Variants in NELL1 observed in about 807,000 individuals in gnomAD.
The protein encoded by NELL1 is protein kinase C-binding protein NELL1.
NELL1 carries 76 observed loss-of-function variants against 107.4 expected under a neutral mutation model. The ratio of observed to expected loss-of-function variants is 0.71; its 90% CI spans 0.59 to 0.86. NELL1 has a LOEUF of 0.86. Ranked by LOEUF, NELL1 falls within the 40% of genes least tolerant of loss-of-function variation. NELL1 has a pLI of 0.00. For synonymous variants in NELL1, 353 were observed against 341.2 expected, an observed-to-expected ratio of 1.03 and a Z score of -0.38; for missense variants, 1,024 against 1,005.5, an observed-to-expected ratio of 1.02 and a Z score of -0.25.
Position 20,746,376 on chromosome 11 carries a change from C to T in NELL1, c.185-37304C>T, listed in dbSNP as rs12576684. Among the ~76,000 whole-genome samples, 266 of 152,248 alleles carry T rather than the reference C, an allele frequency of 1.7e-3. 4 individuals are homozygous for T. In the East Asian group the frequency reaches 0.044, roughly 25 times the overall value. On this transcript the variant is annotated intron_variant, in intron 2 of 19. Transcript: ENST00000357134. Reference sequence around the variant, plus strand: ...GACAGATTTGGGTTCAAATCCTTCTCCCCACTTACTAGGTCAGTAATCTTA... The same window carrying T: ...GACAGATTTGGGTTCAAATCCTTCTTCCCACTTACTAGGTCAGTAATCTTA...
At chr11:20,986,523 C>T (rs61880765) in intron 12 of NELL1, among the ~76,000 whole-genome samples, 6,897 of 152,270 alleles carry the variant, frequency 0.045, 177 homozygotes, top group East Asian at 0.079. Context: ...TGGTGGTTCA[C>T]AAATTTCCAT....
chr11:21,165,228 T>C lies in NELL1; in HGVS notation c.1426+51514T>C, dbSNP rs561923032. Among the ~76,000 whole-genome samples, 27 of 152,332 alleles carry C rather than the reference T, an allele frequency of 1.8e-4. No individual in the cohort carries two copies. In the South Asian group the frequency reaches 5.4e-3, roughly 30 times the overall value. On this transcript the variant is annotated intron_variant, in intron 13 of 19. Coordinates refer to ENST00000357134, the MANE Select transcript of NELL1 (RefSeq NM_006157.5). Reference sequence around the variant, plus strand: ...TGTCCTATGGTTTTCTGTTCTTCCTTAGAAACTGCTGAGGTCTATGGCCTG... The same window carrying C: ...TGTCCTATGGTTTTCTGTTCTTCCTCAGAAACTGCTGAGGTCTATGGCCTG...
chr11:20,712,411 G>T (rs1395102241), intron 2 of NELL1, among the ~76,000 whole-genome samples: 3 of 151,690 alleles, frequency 2.0e-5, no homozygotes, highest in Non-Finnish European at 4.4e-5. Context: ...GCATCTCCTT[G>T]AGTAGCTTAA....
intron 2 of NELL1, among the ~76,000 whole-genome samples, chr11:20,776,075 C>A (rs372348551): frequency 4.6e-5 from 7 of 152,164 alleles, no homozygotes; most frequent in African/African-American, 1.4e-4. Flanking sequence ...AGGTACCAGG[C>A]ACTGTGCTTG....
rs1337379166 is a variant in NELL1 at position 20,927,364 on chromosome 11, T to C, written c.816T>C (p.Thr272=). 13 of 1,613,244 alleles carry C rather than the reference T, an allele frequency of 8.1e-6. No individual in the cohort carries two copies. The African/African-American group carries it at 1.2e-4, about 15-fold the overall frequency. The change falls in exon 8 of 20, where the codon ACT becomes ACC. Residue 272 remains threonine, a synonymous_variant. Transcript: ENST00000357134. ...SQLENCHCEK[T]CQVSGLLYRD... is the part of the protein sequence containing the mutation. ...TGGAAAACTGTCATTGTGAGAAGAC[T>C]TGTCAAGTGAGTGGACTGCTCTATC... is the stretch of plus-strand genomic sequence containing the variant.
At chr11:21,122,331 A>G (rs984830549) in intron 13 of NELL1, among the ~76,000 whole-genome samples, 4 of 152,198 alleles carry the variant, frequency 2.6e-5, no homozygotes, top group African/African-American at 7.2e-5. Flanking sequence ...AGCGCTTACA[A>G]AATTGTTGAG....
intron 2 of NELL1, among the ~76,000 whole-genome samples, chr11:20,745,433 A>T (rs573630551): frequency 6.6e-6 from 1 of 152,344 alleles, no homozygotes; most frequent in African/African-American, 2.4e-5. Context: ...TCAACTGAAG[A>T]TAGCACTGAC....
rs139769220 is a variant in NELL1, at chr11:20,959,305, C to T, written c.1172-1127C>T. 6.3e-3 allele frequency among the ~76,000 whole-genome samples: 957 copies of T among 152,252 alleles called. 10 individuals are homozygous for T. The highest frequency in any genetic ancestry group is 0.022 in the African/African-American group (918 of 41,542). ...GTAGAACTAAAAGTAGAATTTGATC[C>T]AGCATTCCCACTACTGGGTATCTAC... On this transcript the variant is annotated intron_variant, in intron 11 of 19. Transcript: ENST00000357134.
At chr11:20,918,038 A>G (rs957607524) in intron 5 of NELL1, 144 bp from the exon 6 acceptor site, 2 of 632,152 alleles carry the variant, frequency 3.2e-6, no homozygotes, top group Non-Finnish European at 5.8e-6. Context: ...AGAGTAGTTC[A>G]GTATATACTA....
chr11:20,999,432 A>C (rs1852165648), intron 12 of NELL1, among the ~76,000 whole-genome samples: 1 of 152,140 alleles, frequency 6.6e-6, no homozygotes, highest in African/African-American at 2.4e-5. Context: ...GGTGACAACC[A>C]CCTGTTGTTC....
intron 15 of NELL1, among the ~76,000 whole-genome samples, chr11:21,393,409 A>G (rs1473348268): frequency 6.6e-6 from 1 of 151,758 alleles, no homozygotes; most frequent in African/African-American, 2.4e-5. Flanking sequence ...ACTTTGTTCA[A>G]TGAAAAAAGT....
chr11:21,426,883 A>G (rs1852835507), intron 15 of NELL1, among the ~76,000 whole-genome samples: 1 of 152,154 alleles, frequency 6.6e-6, no homozygotes, highest in Non-Finnish European at 1.5e-5. Flanking sequence ...GTCCATCTGG[A>G]GCACTGGCAT....
intron 14 of NELL1, among the ~76,000 whole-genome samples, 199 bp downstream of exon 14, chr11:21,229,653 G>A (rs1037321676): frequency 6.6e-6 from 1 of 152,218 alleles, no homozygotes; most frequent in Non-Finnish European, 1.5e-5. Flanking sequence ...AAAGAAAAAG[G>A]TATAGGTATG....
intron 15 of NELL1, among the ~76,000 whole-genome samples, chr11:21,416,292 C>G (rs773329021): frequency 1.3e-5 from 2 of 152,172 alleles, no homozygotes; most frequent in Middle Eastern, 6.8e-3. Flanking sequence ...AAATTAAATA[C>G]TACCTTGGAT....
intron 15 of NELL1, among the ~76,000 whole-genome samples, chr11:21,470,837 C>T (rs77178910): frequency 0.059 from 8,934 of 152,156 alleles, 562 homozygotes; most frequent in East Asian, 0.16. Flanking sequence ...CATTTACTGC[C>T]ATGTCCTCTG....
intron 14 of NELL1, among the ~76,000 whole-genome samples, chr11:21,266,086 C>T (rs1198918706): frequency 6.6e-6 from 1 of 152,024 alleles, no homozygotes; most frequent in Non-Finnish European, 1.5e-5. Context: ...TTCCCTAACC[C>T]TCCTAGTCCA....
At chr11:21,424,989 C>A (rs750498059) in intron 15 of NELL1, among the ~76,000 whole-genome samples, 12 of 152,110 alleles carry the variant, frequency 7.9e-5, no homozygotes, top group Non-Finnish European at 1.6e-4. Context: ...TACAAGACAA[C>A]TACAAACCAG....
At chr11:21,264,442 G>A (rs1848598974) in intron 14 of NELL1, among the ~76,000 whole-genome samples, 1 of 151,860 alleles carries the variant, frequency 6.6e-6, no homozygotes, top group Non-Finnish European at 1.5e-5. Context: ...TTGCCAGCAG[G>A]AGATGGGAAG....
At chr11:21,400,694 A>AT in intron 15 of NELL1, among the ~76,000 whole-genome samples, 1 of 152,038 alleles carries the variant, frequency 6.6e-6, no homozygotes, top group South Asian at 2.1e-4. Context: ...GCATGCGCTT[A>AT]TGTCTTGTCT....
Sources: allele counts gnomAD v4.1 joint callset (sites outside exome capture counted in the v4.1 genomes callset), GRCh38; gene constraint gnomAD v4.1.1; transcripts MANE v1.5; gene names NCBI Gene and HGNC (gene_info 2026-07-23, HGNC 2026-07-21).